Variants in C11orf54 observed in about 807,000 individuals in gnomAD.
C11orf54 encodes the protein beta-keto L-gulonate decarboxylase.
In C11orf54, 29 loss-of-function variants were observed where a neutral mutation model predicts 35.5. The ratio of observed to expected loss-of-function variants is 0.82; its 90% CI spans 0.61 to 1.11. The LOEUF (loss-of-function observed/expected upper bound fraction) is 1.11, where lower values mean the gene tolerates loss of function less well. C11orf54 is among the 50% of genes most tolerant of loss of function. The pLI, the probability that C11orf54 is intolerant of heterozygous loss-of-function variation, is 0.00. For synonymous variants in C11orf54, 108 were observed against 121.1 expected (o/e 0.89, Z 0.71); for missense variants, 373 against 369.2 (o/e 1.01, Z -0.08).
intron 5 of C11orf54, 74 bp downstream of exon 5, chr11:93,754,111 A>C: frequency 7.9e-7 from 1 of 1,260,452 alleles, no homozygotes. Context: ...TTAGTGCCAA[A>C]AATCCTACTT....
chr11:93,755,079 A>G (rs184342778), intron 5 of C11orf54, 131 bp from the exon 6 acceptor site: 3 of 933,362 alleles, frequency 3.2e-6, no homozygotes, highest in Non-Finnish European at 4.6e-6. Context: ...ATTAAATATT[A>G]TGTATTTTAT....
rs1019758190 is a variant in C11orf54, at chr11:93,753,681, G to A, written c.155-1G>A. 6.2e-7 allele frequency: 1 copy of A among 1,613,256 alleles called. No individual in the cohort carries two copies. The highest frequency in any genetic ancestry group is 1.1e-5 in the South Asian group (1 of 90,986). On this transcript the variant is annotated splice_acceptor_variant, in intron 3 of 8. Transcript: ENST00000354421. LOFTEE classifies it high-confidence loss of function. ...GTTTTTGTTTTTTGGTTTTTTCTTA[G>A]GCATCTGTGGGAAAACTAGAATTGC...
chr11:93,751,843 T>G (rs943784818), intron 3 of C11orf54, among the ~76,000 whole-genome samples: 2 of 98,042 alleles, frequency 2.0e-5, no homozygotes, highest in African/African-American at 7.1e-5. Flanking sequence ...TTTTTTTTTT[T>G]GTGTGTGTGT....
rs1942997964 is a variant in C11orf54, at chr11:93,754,108, C to CA, written c.330+76dup. On this transcript the variant is annotated intron_variant, in intron 5 of 8. Coordinates refer to ENST00000354421, the MANE Select transcript of C11orf54 (RefSeq NM_001286069.2). ...TGGTTTGTCTTTTTGCTTTTAGTGC[C>CA]AAAAATCCTACTTTCTGAGTGAATT... 6 of 1,273,408 alleles carry CA rather than the reference C, an allele frequency of 4.7e-6. No individual in the cohort carries two copies. The South Asian group carries it at 6.3e-5, about 13-fold the overall frequency. 78.9% of individuals were successfully genotyped at this position (1,273,408 alleles called of 1,614,324 possible).
intron 2 of C11orf54, among the ~76,000 whole-genome samples, chr11:93,749,097 T>C (rs1055059605): frequency 2.9e-4 from 43 of 150,312 alleles, no homozygotes; most frequent in African/African-American, 9.9e-4. Flanking sequence ...TAAGCCGAGA[T>C]TGCGCCATTG....
At chr11:93,743,600 G>A (rs652961) in intron 1 of C11orf54, among the ~76,000 whole-genome samples, 54,051 of 152,002 alleles carry the variant, frequency 0.36, 9,756 homozygotes, top group South Asian at 0.41. Context: ...GCTTTTGGTC[G>A]CCGGTAGGAG....
intron 1 of C11orf54, among the ~76,000 whole-genome samples, chr11:93,743,802 C>T (rs115129359): frequency 8.3e-4 from 127 of 152,314 alleles, no homozygotes; most frequent in African/African-American, 2.8e-3. Flanking sequence ...TCTACCCCTC[C>T]AGGTGTTAAC....
intron 2 of C11orf54, 103 bp downstream of exon 2, chr11:93,747,551 A>ATATCGTACT: frequency 3.0e-6 from 2 of 658,818 alleles, no homozygotes; most frequent in Non-Finnish European, 2.4e-6. Context: ...ATGTATATCT[A>ATATCGTACT]TATCTTACTT....
intron 3 of C11orf54, among the ~76,000 whole-genome samples, chr11:93,752,616 C>T (rs1942899681): frequency 6.6e-6 from 1 of 151,824 alleles, no homozygotes; most frequent in South Asian, 2.1e-4. Flanking sequence ...TGATCTTTTC[C>T]AGAATTCTTT....
Position 93,752,966 on chromosome 11 carries a change from G to A in C11orf54, c.155-716G>A, listed in dbSNP as rs190675189. On this transcript the variant is annotated intron_variant, in intron 3 of 8. Transcript: ENST00000354421. ...TTTCACCGTGTTAGCCAGGATGGTCGCGATCTCCTGACCTCGTGATGTTTT... is the reference window on the plus strand; with the variant it reads ...TTTCACCGTGTTAGCCAGGATGGTCACGATCTCCTGACCTCGTGATGTTTT... Among the ~76,000 whole-genome samples the A allele has an allele frequency of 3.6e-3, 549 of 151,794 alleles. 2 individuals are homozygous for A. Among genetic ancestry groups the A allele is most frequent in the African/African-American group, 0.013 (518 of 41,408 alleles).
rs1264518714 is a variant in C11orf54 at position 93,757,424 on chromosome 11, A to G, written c.616A>G (p.Thr206Ala). Residue 206 changes from threonine to alanine, a missense_variant, in exon 7 of 9, where the codon ACT (threonine) becomes GCT (alanine). Coordinates refer to ENST00000354421, the MANE Select transcript of C11orf54 (RefSeq NM_001286069.2). The stretch of plus-strand genomic sequence containing the variant: ...AAATAAGCCTATAGGAATGGGAGGT[A>G]CTTTCATAATTCAGAAGGGAAAAGT... ...YGNKPIGMGG[T>A]FIIQKGKVKS... 1.9e-6 allele frequency: 3 copies of G among 1,598,140 alleles called. No individual in the cohort carries two copies. The Admixed American group carries it at 5.0e-5, about 27-fold the overall frequency.
chr11:93,749,773 A>G (rs1942716055), intron 2 of C11orf54, among the ~76,000 whole-genome samples: 1 of 152,180 alleles, frequency 6.6e-6, no homozygotes, highest in Admixed American at 6.5e-5. Context: ...GCTAATCTTG[A>G]GTGTACAGCT....
Position 93,761,883 on chromosome 11 carries a change from A to G in C11orf54, c.*195A>G, listed in dbSNP as rs1943497782. On this transcript the variant is annotated 3_prime_UTR_variant, in exon 9 of 9. Transcript: ENST00000354421. ...CCAGGAGTTTGAGACCAGCTTGGGC[A>G]ACATAGCAAGACCCTGTCTATTTTT... is the stretch of plus-strand genomic sequence containing the variant. 2.4e-6 allele frequency: 1 copy of G among 418,284 alleles called. No homozygotes were observed. Among genetic ancestry groups the G allele is most frequent in the Non-Finnish European group, 4.1e-6 (1 of 244,572 alleles). 25.9% of individuals were successfully genotyped at this position (418,284 alleles called of 1,614,324 possible).
At chr11:93,747,604 G>A (rs1039303989) in intron 2 of C11orf54, among the ~76,000 whole-genome samples, 156 bp downstream of exon 2, 1 of 151,502 alleles carries the variant, frequency 6.6e-6, no homozygotes, top group South Asian at 2.1e-4. Flanking sequence ...TTCCATTTCA[G>A]TATCTGTTCT....
chr11:93,752,325 C>T (rs545187467), intron 3 of C11orf54, among the ~76,000 whole-genome samples: 1 of 152,168 alleles, frequency 6.6e-6, no homozygotes, highest in East Asian at 1.9e-4. Flanking sequence ...TGGTGAAACC[C>T]AATCTCTACT....
intron 2 of C11orf54, among the ~76,000 whole-genome samples, chr11:93,747,871 C>G (rs759332081): frequency 2.0e-5 from 3 of 152,126 alleles, no homozygotes; most frequent in Admixed American, 2.0e-4. Flanking sequence ...AATTCCCCCC[C>G]ACCACTGATA....
At chr11:93,759,976 C>T in intron 8 of C11orf54, 118 bp downstream of exon 8, 1 of 636,410 alleles carries the variant, frequency 1.6e-6, no homozygotes, top group East Asian at 2.9e-5. Context: ...GACAGAGTTT[C>T]ACTCTTGTTG....
intron 7 of C11orf54, 74 bp downstream of exon 7, chr11:93,757,539 T>C: frequency 6.8e-7 from 1 of 1,481,184 alleles, no homozygotes; most frequent in Non-Finnish European, 9.0e-7. Flanking sequence ...TAGGATTTTT[T>C]TTTTTTTTTA....
intron 5 of C11orf54, 62 bp downstream of exon 5, chr11:93,754,099 T>C: frequency 1.4e-6 from 2 of 1,390,514 alleles, no homozygotes. Flanking sequence ...GTCTTTTTGC[T>C]TTTAGTGCCA....
Sources: allele counts gnomAD v4.1 joint callset (sites outside exome capture counted in the v4.1 genomes callset), GRCh38; gene constraint gnomAD v4.1.1; transcripts MANE v1.5; gene names NCBI Gene and HGNC (gene_info 2026-07-23, HGNC 2026-07-21).